MIA2: variants seen among roughly 807,000 people sequenced by gnomAD.
The protein encoded by MIA2 is MIA SH3 domain ER export factor 2.
In MIA2, 127 loss-of-function variants were observed where a neutral mutation model predicts 167.8. The observed-to-expected ratio is 0.76, with a 90% CI of 0.66 to 0.88. MIA2 has a LOEUF of 0.88. Among genes scored for constraint, MIA2 ranks in the 40% least tolerant of loss-of-function variants. The probability of loss-of-function intolerance (pLI) is 0.00; values close to 1 mark genes in which losing one functional copy is unlikely to be tolerated. For missense variants in MIA2, 1,690 were observed against 1,624.7 expected (o/e 1.04, Z -0.69); for synonymous variants, 552 against 541.9 (o/e 1.02, Z -0.26).
intron 3 of MIA2, among the ~76,000 whole-genome samples, chr14:39,241,081 G>A (rs142958221): frequency 3.3e-5 from 5 of 152,296 alleles, no homozygotes; most frequent in African/African-American, 9.6e-5. Flanking sequence ...TGCTCAGTAA[G>A]TGTTATATAT....
intron 9 of MIA2, among the ~76,000 whole-genome samples, chr14:39,286,006 G>A (rs574773579): frequency 6.6e-5 from 10 of 152,110 alleles, no homozygotes; most frequent in African/African-American, 9.7e-5. Context: ...GACGATGGGC[G>A]GCCAGGCAGA....
At chr14:39,277,688 GTGTGTA>G (rs1454833130) in intron 7 of MIA2, among the ~76,000 whole-genome samples, 2 of 8,090 alleles carry the variant, frequency 2.5e-4, no homozygotes, top group African/African-American at 4.5e-4. Flanking sequence ...ATATATATAT[GTGTGTA>G]TATATATATA....
chr14:39,384,544 G>A (rs1195892273), intron 23 of MIA2, among the ~76,000 whole-genome samples: 3 of 151,950 alleles, frequency 2.0e-5, no homozygotes, highest in East Asian at 1.9e-4. Context: ...TTATTTAAAC[G>A]TGTACAGCTG....
intron 23 of MIA2, among the ~76,000 whole-genome samples, chr14:39,381,731 C>G (rs2094275): frequency 1.3e-5 from 2 of 150,064 alleles, no homozygotes; most frequent in African/African-American, 2.5e-5. Flanking sequence ...AGAGGCCTTA[C>G]TCCTCCTAAT....
chr14:39,293,839 A>G (rs530219284), intron 11 of MIA2, among the ~76,000 whole-genome samples, 161 bp from the exon 12 acceptor site: 4 of 152,362 alleles, frequency 2.6e-5, no homozygotes, highest in Middle Eastern at 3.4e-3. Context: ...TAATGTTCAT[A>G]TAAAATCCCT....
chr14:39,293,793 T>C (rs2061044109), intron 11 of MIA2, among the ~76,000 whole-genome samples: 1 of 152,234 alleles, frequency 6.6e-6, no homozygotes, highest in Non-Finnish European at 1.5e-5. Flanking sequence ...ACTTAAATGT[T>C]ATGAAATATT....
chr14:39,379,555 A>G (rs2075111256), intron 23 of MIA2, among the ~76,000 whole-genome samples: 1 of 152,138 alleles, frequency 6.6e-6, no homozygotes, highest in East Asian at 1.9e-4. Context: ...GTACATTTAG[A>G]TAACTTGCAA....
At chr14:39,243,898 A>T (rs1271764401) in intron 3 of MIA2, among the ~76,000 whole-genome samples, 8 of 152,176 alleles carry the variant, frequency 5.3e-5, no homozygotes, top group Non-Finnish European at 1.0e-4. Context: ...TGAAGACCCG[A>T]AGATACAGAG....
At chr14:39,242,813 G>A (rs779239644) in intron 3 of MIA2, among the ~76,000 whole-genome samples, 48 of 152,024 alleles carry the variant, frequency 3.2e-4, no homozygotes, top group Admixed American at 3.3e-4. Flanking sequence ...AATAGCACCT[G>A]TGAAGAACAA....
chr14:39,299,505 C>T (rs1413732117), intron 13 of MIA2, among the ~76,000 whole-genome samples: 1 of 151,648 alleles, frequency 6.6e-6, no homozygotes. Flanking sequence ...CGAGGTTTCA[C>T]CATGTTGGCC....
chr14:39,379,058 C>T (rs1023519624), intron 23 of MIA2, among the ~76,000 whole-genome samples: 1 of 152,162 alleles, frequency 6.6e-6, no homozygotes, highest in African/African-American at 2.4e-5. Flanking sequence ...TTAAACCTGT[C>T]TCTCAAATCT....
intron 1 of MIA2, 84 bp from the exon 2 acceptor site, chr14:39,236,838 A>G: frequency 7.8e-7 from 1 of 1,281,832 alleles, no homozygotes; most frequent in South Asian, 1.4e-5. Flanking sequence ...AACATATAGG[A>G]TGGATTGAGG....
Position 39,254,263 on chromosome 14 carries a change from A to G in MIA2, c.1887+1092A>G, listed in dbSNP as rs144636129. ...TTAAAGTAGTGAAGTGGGAGAGAAT[A>G]TGGCACTTTTGGAGCACAATAAGCA... On this transcript the variant is annotated intron_variant, in intron 6 of 28. Transcript: ENST00000640607. Among the ~76,000 whole-genome samples, 244 of 152,300 alleles carry G rather than the reference A, an allele frequency of 1.6e-3. 1 individual carries two copies. The highest frequency in any genetic ancestry group is 5.8e-3 in the African/African-American group (242 of 41,560).
chr14:39,314,627 T>TAA, intron 19 of MIA2, 112 bp from the exon 20 acceptor site: 5 of 491,628 alleles, frequency 1.0e-5, no homozygotes, highest in African/African-American at 2.0e-5. Flanking sequence ...TTTTTTTTTT[T>TAA]TTCATGAAGT....
At chr14:39,343,003 T>A (rs1253658577) in intron 25 of MIA2, among the ~76,000 whole-genome samples, 1 of 152,198 alleles carries the variant, frequency 6.6e-6, no homozygotes, top group Non-Finnish European at 1.5e-5. Flanking sequence ...CATTTCCTGT[T>A]GGTGAGCATT....
intron 10 of MIA2, 99 bp from the exon 11 acceptor site, chr14:39,293,172 A>C (rs1158476130): frequency 4.8e-6 from 4 of 833,842 alleles, no homozygotes; most frequent in Non-Finnish European, 7.6e-6. Context: ...TATAAATGAA[A>C]GTTATTTAAC....
Position 39,247,123 on chromosome 14 carries a change from T to G in MIA2, c.549T>G (p.Ala183=), listed in dbSNP as rs1457780021. The G allele has an allele frequency of 6.2e-7, 1 of 1,613,896 alleles. No homozygotes were observed. The highest frequency in any genetic ancestry group is 1.1e-5 in the South Asian group (1 of 91,002). Residue 183 remains alanine (A), a synonymous_variant, in exon 4 of 29, where the codon GCT becomes GCG. Coordinates refer to ENST00000640607, the MANE Select transcript of MIA2 (RefSeq NM_001329214.4). ...AAGACCAAGTTCCAGCATTAGAGGC[T>G]CCTGAAGATATCGGAAGTACCAGTG... ...LFEDQVPALE[A]PEDIGSTSES... is the part of the protein sequence containing the mutation.
Position 39,238,793 on chromosome 14 carries a change from C to CAAAAAAA in MIA2, c.249+1750_250-1750dup, listed in dbSNP as rs769534317. Reference sequence around the variant, plus strand: ...TGGGTTACAAAGTGAGACCCTGTCTCAAAAAAAAAAAAAAAAAACCCAAAA... The same window carrying CAAAAAAA: ...TGGGTTACAAAGTGAGACCCTGTCTCAAAAAAAAAAAAAAAAAAAAAAAAACCCAAAA... On this transcript the variant is annotated intron_variant, in intron 2 of 28. Coordinates refer to ENST00000640607, the MANE Select transcript of MIA2 (RefSeq NM_001329214.4). Among the ~76,000 whole-genome samples, 23 of 30,816 alleles carry CAAAAAAA rather than the reference C, an allele frequency of 7.5e-4. 1 individual carries two copies. Among genetic ancestry groups the CAAAAAAA allele is most frequent in the African/African-American group, 2.5e-3 (14 of 5,530 alleles). The allele number at this position is 30,816 out of a possible 152,430, so 20.2% of individuals were successfully genotyped here.
chr14:39,246,978 G>A lies in MIA2; in HGVS notation c.404G>A (p.Gly135Asp). 3 of 1,551,854 alleles carry A rather than the reference G, an allele frequency of 1.9e-6. No homozygotes were observed. Among genetic ancestry groups the A allele is most frequent in the Non-Finnish European group, 2.6e-6 (3 of 1,155,584 alleles). ...GACAATGAAGATAGTGAATTAAACG[G>A]TGATTATGGTGAAAATATATATCCT... The part of the protein sequence containing the change: ...TFDNEDSELN[G>D]DYGENIYPYE... The change falls in exon 4 of 29, where the codon GGT becomes GAT. Residue 135 changes from glycine (G) to aspartate (D), a missense_variant. Physicochemically the swap from Gly to Asp is moderately conservative, Grantham distance 94. Transcript: ENST00000640607.
Sources: allele counts gnomAD v4.1 joint callset (sites outside exome capture counted in the v4.1 genomes callset), GRCh38; gene constraint gnomAD v4.1.1; transcripts MANE v1.5; gene names NCBI Gene and HGNC (gene_info 2026-07-23, HGNC 2026-07-21).